Variants in PCLO observed in about 807,000 individuals in gnomAD.
The protein encoded by PCLO is protein piccolo.
A neutral mutation model predicts 427.5 loss-of-function variants in PCLO; 82 were observed. That is an observed-to-expected ratio of 0.19 (90% CI 0.16 to 0.23). PCLO has a LOEUF of 0.23. PCLO is among the 10% of genes least tolerant of loss of function. PCLO has a pLI of 1.00. For synonymous variants in PCLO, 2,357 were observed against 2,155.4 expected (o/e 1.09, Z -2.59); for missense variants, 6,239 against 6,115.9 (o/e 1.02, Z -0.67).
rs1239447428 is a variant in PCLO at position 82,757,479 on chromosome 7, G to A, written c.*1096C>T. 2 of 151,906 alleles carry A rather than the reference G, an allele frequency of 1.3e-5. No homozygotes were observed. Among genetic ancestry groups the A allele is most frequent in the African/African-American group, 2.4e-5 (1 of 41,378 alleles). 9.4% of individuals were successfully genotyped at this position (151,906 alleles called of 1,614,324 possible). A position where few individuals can be genotyped will look rare whatever the true frequency, so the allele number is the denominator to read the frequency against. On this transcript the variant is annotated 3_prime_UTR_variant, in exon 25 of 25. Coordinates refer to ENST00000333891, the MANE Select transcript of PCLO (RefSeq NM_033026.6). The stretch of plus-strand genomic sequence containing the variant: ...GTGTCATGTTTTCATGATACAATCA[G>A]TAAATGAATTAAGTCATTAAGGAAA...
At chr7:82,858,514 G>A (rs1157106802) in intron 10 of PCLO, among the ~76,000 whole-genome samples, 1 of 152,066 alleles carries the variant, frequency 6.6e-6, no homozygotes, top group African/African-American at 2.4e-5. Flanking sequence ...GGTTAAAATT[G>A]TCTATTTGCA....
chr7:83,048,925 TTCTTA>T (rs1439150415), intron 3 of PCLO, among the ~76,000 whole-genome samples: 1 of 152,204 alleles, frequency 6.6e-6, no homozygotes, highest in Admixed American at 6.6e-5. Context: ...GATCATGTAT[TTCTTA>T]TCTTATACTT....
chr7:82,927,094 G>C (rs1794730582), intron 6 of PCLO, among the ~76,000 whole-genome samples: 1 of 151,978 alleles, frequency 6.6e-6, no homozygotes, highest in Non-Finnish European at 1.5e-5. Context: ...CACATATAAA[G>C]AGTTCAAGAG....
chr7:83,050,311 T>C (rs552762197), intron 3 of PCLO, among the ~76,000 whole-genome samples: 21 of 140,864 alleles, frequency 1.5e-4, no homozygotes, highest in Admixed American at 8.1e-4. Context: ...AAGCAAATAC[T>C]TTCTAAACCA....
At chr7:82,817,875 T>TTCTAAATTTC (rs1791710506) in intron 20 of PCLO, among the ~76,000 whole-genome samples, 1 of 152,138 alleles carries the variant, frequency 6.6e-6, no homozygotes, top group South Asian at 2.1e-4. Context: ...ATTTCTAAAT[T>TTCTAAATTTC]TAAAACTCAT....
At chr7:82,929,945 A>G (rs544125336) in intron 6 of PCLO, among the ~76,000 whole-genome samples, 1 of 152,300 alleles carries the variant, frequency 6.6e-6, no homozygotes, top group Non-Finnish European at 1.5e-5. Flanking sequence ...TTATGACACA[A>G]AGATGAATGA....
At chr7:82,902,830 C>T (rs1794081924) in intron 8 of PCLO, 89 bp from the exon 9 acceptor site, 3 of 683,934 alleles carry the variant, frequency 4.4e-6, no homozygotes, top group East Asian at 5.3e-5. Context: ...TTTCAAAGCA[C>T]ATTGATTAAA....
At position 83,147,135 on chromosome 7, in the gene PCLO, T is replaced by A. The variant is rs57691793; in HGVS notation, c.1893+7613A>T. 4.0e-5 allele frequency among the ~76,000 whole-genome samples: 6 copies of A among 151,094 alleles called. No individual in the cohort carries two copies. In the South Asian group the frequency reaches 1.2e-3, roughly 31 times the overall value. Reference sequence around the variant, plus strand: ...ATGTATATAATATTAATATTACATATAATGTATATGCCTAGGTGTATATTA... The same window carrying A: ...ATGTATATAATATTAATATTACATAAAATGTATATGCCTAGGTGTATATTA... On this transcript the variant is annotated intron_variant, in intron 2 of 24. Coordinates refer to ENST00000333891, the MANE Select transcript of PCLO (RefSeq NM_033026.6).
intron 3 of PCLO, among the ~76,000 whole-genome samples, chr7:83,001,103 CTTGT>C (rs1562910803): frequency 6.6e-6 from 1 of 151,914 alleles, no homozygotes. Flanking sequence ...GGTTTTGATA[CTTGT>C]TTGTTCTATA....
chr7:82,882,780 G>A (rs1793539896), intron 9 of PCLO, among the ~76,000 whole-genome samples: 1 of 151,982 alleles, frequency 6.6e-6, no homozygotes, highest in South Asian at 2.1e-4. Context: ...ATGCTACTTT[G>A]GAGTCACTTT....
chr7:82,883,888 G>A (rs1793568815), intron 9 of PCLO, among the ~76,000 whole-genome samples: 1 of 152,068 alleles, frequency 6.6e-6, no homozygotes, highest in African/African-American at 2.4e-5. Flanking sequence ...TCCTGCCTCG[G>A]CCTCCCTAGT....
intron 3 of PCLO, among the ~76,000 whole-genome samples, chr7:83,119,382 T>A (rs2116554453): frequency 6.6e-6 from 1 of 152,246 alleles, no homozygotes; most frequent in South Asian, 2.1e-4. Flanking sequence ...ACTGGTATTG[T>A]AGGAAATTCT....
chr7:83,079,881 A>AC (rs745605190), intron 3 of PCLO, among the ~76,000 whole-genome samples: 14 of 148,300 alleles, frequency 9.4e-5, no homozygotes, highest in Admixed American at 6.1e-4. Context: ...CTCCTAACTC[A>AC]CCCCCCCACA....
intron 3 of PCLO, among the ~76,000 whole-genome samples, chr7:83,030,779 A>G (rs531591833): frequency 6.6e-6 from 1 of 152,288 alleles, no homozygotes; most frequent in East Asian, 1.9e-4. Context: ...AATCAGCCCA[A>G]AGGTTTCTAG....
Position 82,755,686 on chromosome 7 carries a change from T to C in PCLO, c.*2889A>G, listed in dbSNP as rs1449955622. On this transcript the variant is annotated 3_prime_UTR_variant, in exon 25 of 25. Transcript: ENST00000333891. ...AAAAGTTAATTCCAATAAAATGAAA[T>C]AAACTAAAGAGTGAAAAACCATGTA... The C allele has an allele frequency of 6.6e-6, 1 of 151,840 alleles. No individual in the cohort carries two copies. The highest frequency in any genetic ancestry group is 1.5e-5 in the Non-Finnish European group (1 of 67,916). The allele number at this position is 151,840 out of a possible 1,614,324, so 9.4% of individuals were successfully genotyped here.
In PCLO at chr7:82,822,018, C is replaced by T. The variant is rs971714897; in HGVS notation, c.14791+477G>A. On this transcript the variant is annotated intron_variant, in intron 20 of 24. Coordinates refer to ENST00000333891, the MANE Select transcript of PCLO (RefSeq NM_033026.6). ...AGAAGTTGACTGTTGGTTGCATTAT[C>T]TTCTGCCTAGACTTTTTGAGTGTTT... 2.4e-5 allele frequency: 24 copies of T among 989,312 alleles called. No homozygotes were observed. In the Admixed American group the frequency reaches 5.3e-4, roughly 22 times the overall value. 61.3% of individuals were successfully genotyped at this position (989,312 alleles called of 1,614,324 possible).
intron 7 of PCLO, chr7:82,914,450 G>C: frequency 1.7e-6 from 1 of 591,930 alleles, no homozygotes; most frequent in Non-Finnish European, 3.0e-6. Flanking sequence ...AACAAATCAA[G>C]CAAACAATCA....
chr7:83,025,501 G>C (rs2116091907), intron 3 of PCLO, among the ~76,000 whole-genome samples: 1 of 152,124 alleles, frequency 6.6e-6, no homozygotes, highest in Non-Finnish European at 1.5e-5. Context: ...AAGTGATGGG[G>C]AGAATGGAAC....
At chr7:83,149,908 T>C (rs751819566) in intron 2 of PCLO, among the ~76,000 whole-genome samples, 3 of 152,210 alleles carry the variant, frequency 2.0e-5, no homozygotes, top group Non-Finnish European at 2.9e-5. Flanking sequence ...TGTTTGTTTG[T>C]TTTAGCTCAT....
Sources: gnomAD v4.1 joint callset for allele counts (sites outside exome capture counted in the v4.1 genomes callset) on GRCh38, gnomAD v4.1.1 for gene constraint, MANE v1.5 for transcripts, NCBI Gene and HGNC (gene_info 2026-07-23, HGNC 2026-07-21) for gene names.